Variants in CPEB3 observed in about 807,000 individuals in gnomAD.
CPEB3 encodes cytoplasmic polyadenylation element binding protein 3.
CPEB3 carries 20 observed loss-of-function variants against 67.2 expected under a neutral mutation model. The observed-to-expected ratio is 0.30, with a 90% CI of 0.21 to 0.43. The LOEUF is 0.43. Ranked by LOEUF, CPEB3 falls within the 20% of genes least tolerant of loss-of-function variation. The pLI is 1.00. For missense variants in CPEB3, 746 were observed against 968.6 expected (o/e 0.77, Z 3.05); for synonymous variants, 376 against 393.1 (o/e 0.96, Z 0.51).
intron 3 of CPEB3, among the ~76,000 whole-genome samples, chr10:92,188,855 A>G (rs1848825243): frequency 6.6e-6 from 1 of 152,230 alleles, no homozygotes; most frequent in Admixed American, 6.5e-5. Context: ...TATTCTATAT[A>G]ATTTTTATCA....
intron 3 of CPEB3, among the ~76,000 whole-genome samples, chr10:92,184,885 C>T (rs1185829396): frequency 6.6e-6 from 1 of 152,080 alleles, no homozygotes; most frequent in Non-Finnish European, 1.5e-5. Flanking sequence ...TTACAGTTTT[C>T]CACGTTAGGG....
intron 1 of CPEB3, among the ~76,000 whole-genome samples, chr10:92,259,583 A>G (rs533328861): frequency 2.2e-5 from 3 of 136,514 alleles, no homozygotes; most frequent in Non-Finnish European, 4.7e-5. Context: ...CCTGGGAAAC[A>G]AGAGCAAAAT....
chr10:92,052,546 G>A (rs1419560851), intron 9 of CPEB3, 107 bp from the exon 10 acceptor site: 11 of 925,264 alleles, frequency 1.2e-5, no homozygotes, highest in African/African-American at 6.5e-5. Context: ...TCAATCAGAC[G>A]CTGCTTTCAA....
chr10:92,054,172 C>T (rs1183251050), intron 9 of CPEB3, among the ~76,000 whole-genome samples: 2 of 151,862 alleles, frequency 1.3e-5, no homozygotes, highest in African/African-American at 4.8e-5. Flanking sequence ...TTTGTATTAG[C>T]TGGTTGTGGT....
At chr10:92,170,242 T>A (rs1040572541) in intron 4 of CPEB3, among the ~76,000 whole-genome samples, 1 of 152,234 alleles carries the variant, frequency 6.6e-6, no homozygotes, top group East Asian at 1.9e-4. Flanking sequence ...ACATACTTAG[T>A]ATTAATTTAC....
intron 4 of CPEB3, among the ~76,000 whole-genome samples, chr10:92,171,002 A>C (rs1218095348): frequency 6.6e-6 from 1 of 152,216 alleles, no homozygotes; most frequent in African/African-American, 2.4e-5. Context: ...ATAAGGAATA[A>C]TACAGAAAGA....
chr10:92,254,020 A>G (rs1489253481), intron 1 of CPEB3, among the ~76,000 whole-genome samples: 1 of 152,136 alleles, frequency 6.6e-6, no homozygotes, highest in African/African-American at 2.4e-5. Flanking sequence ...CTTGAGCCCA[A>G]GAGTTTGAGA....
intron 4 of CPEB3, among the ~76,000 whole-genome samples, chr10:92,155,119 G>A (rs1195662253): frequency 6.6e-6 from 1 of 152,172 alleles, no homozygotes; most frequent in Admixed American, 6.5e-5. Context: ...TGAGGCAGGA[G>A]AATCACTTGA....
chr10:92,195,933 A>G (rs1445082449), intron 2 of CPEB3, among the ~76,000 whole-genome samples: 1 of 152,226 alleles, frequency 6.6e-6, no homozygotes, highest in Non-Finnish European at 1.5e-5. Flanking sequence ...TGCACATTAC[A>G]ATGTTTTAAT....
At chr10:92,223,629 A>C (rs1850811433) in intron 2 of CPEB3, among the ~76,000 whole-genome samples, 1 of 135,606 alleles carries the variant, frequency 7.4e-6, no homozygotes, top group East Asian at 2.1e-4. Flanking sequence ...GCTGGAGTGC[A>C]ATGGCACAAT....
chr10:92,075,218 C>T (rs1842889984), intron 9 of CPEB3, among the ~76,000 whole-genome samples: 1 of 152,124 alleles, frequency 6.6e-6, no homozygotes, highest in Admixed American at 6.5e-5. Flanking sequence ...AGAAGTTTCC[C>T]CCAAGAGCCT....
chr10:92,062,118 G>A (rs1842379362), intron 9 of CPEB3, among the ~76,000 whole-genome samples: 2 of 151,808 alleles, frequency 1.3e-5, no homozygotes, highest in Admixed American at 6.6e-5. Context: ...GGTGGCGCCT[G>A]TAATTCCAGC....
chr10:92,108,284 G>A (rs1844566936), intron 7 of CPEB3, among the ~76,000 whole-genome samples: 1 of 152,192 alleles, frequency 6.6e-6, no homozygotes, highest in African/African-American at 2.4e-5. Context: ...AGTTTGGTGA[G>A]TGAGCACCAA....
rs1848916596 is a variant in CPEB3 at position 92,190,509 on chromosome 10, T to C, written c.1165+1968A>G. Among the ~76,000 whole-genome samples, 3 of 149,736 alleles carry C rather than the reference T, an allele frequency of 2.0e-5. No individual in the cohort carries two copies. In the South Asian group the frequency reaches 6.4e-4, roughly 32 times the overall value. ...GGAGAAATTCTGTCTCTACTAAAAA[T>C]ACAAAATTAGCTGGGTGTAGTGGCA... On this transcript the variant is annotated intron_variant, in intron 3 of 9. Transcript: ENST00000265997.
chr10:92,258,637 T>C (rs1205248020), intron 1 of CPEB3, among the ~76,000 whole-genome samples: 12 of 22,708 alleles, frequency 5.3e-4, no homozygotes, highest in African/African-American at 9.0e-4. Flanking sequence ...TATATATATA[T>C]ATATATATAT....
intron 9 of CPEB3, 100 bp from the exon 10 acceptor site, chr10:92,052,539 A>G: frequency 1.0e-6 from 1 of 975,820 alleles, no homozygotes. Context: ...GTATGTCTCA[A>G]TCAGACGCTG....
At chr10:92,136,554 G>A (rs1846105762) in intron 6 of CPEB3, among the ~76,000 whole-genome samples, 1 of 152,028 alleles carries the variant, frequency 6.6e-6, no homozygotes, top group East Asian at 1.9e-4. Flanking sequence ...ATGTCTGAGA[G>A]TGAGTATTTC....
intron 2 of CPEB3, among the ~76,000 whole-genome samples, chr10:92,229,184 C>T (rs1044126400): frequency 1.3e-5 from 2 of 151,814 alleles, no homozygotes; most frequent in Admixed American, 6.6e-5. Flanking sequence ...ACATCAGGCC[C>T]AGCTAATTTT....
intron 1 of CPEB3, among the ~76,000 whole-genome samples, chr10:92,252,812 G>A (rs969142317): frequency 6.6e-6 from 1 of 152,034 alleles, no homozygotes; most frequent in Non-Finnish European, 1.5e-5. Context: ...GAGCCACTGT[G>A]CCTGGCCTGA....
Sources: allele counts gnomAD v4.1 joint callset (sites outside exome capture counted in the v4.1 genomes callset), GRCh38; gene constraint gnomAD v4.1.1; transcripts MANE v1.5; gene names NCBI Gene and HGNC (gene_info 2026-07-23, HGNC 2026-07-21).